The following EXD3 variants were observed in gnomAD, a reference collection of about 807,000 sequenced individuals.
EXD3 encodes exonuclease 3'-5' domain containing 3, also known as exonuclease mut-7 homolog.
In EXD3, 92 loss-of-function variants were observed where a neutral mutation model predicts 98.0. That is an observed-to-expected ratio of 0.94 (90% CI 0.79 to 1.12). The LOEUF is 1.12. Ranked by LOEUF, EXD3 falls within the 50% of genes most tolerant of loss-of-function variation. EXD3 has a pLI of 0.00. For synonymous variants in EXD3, 569 were observed against 526.0 expected, an observed-to-expected ratio of 1.08 and a Z score of -1.12; for missense variants, 1,222 against 1,191.6, an observed-to-expected ratio of 1.03 and a Z score of -0.38.
rs190012881 is a variant in EXD3, at chr9:137,379,875, C to G, written c.120+3438G>C. Among the ~76,000 whole-genome samples the G allele has an allele frequency of 7.9e-3, 1,207 of 152,158 alleles. 26 individuals are homozygous for G. Among genetic ancestry groups the G allele is most frequent in the Admixed American group, 0.038 (574 of 15,290 alleles). ...TGCAAAATCCTGGCCCTCCAGACCCCAGCTGGGTCCTCCCCTCCAGGCCCC... is the reference window on the plus strand; with the variant it reads ...TGCAAAATCCTGGCCCTCCAGACCCGAGCTGGGTCCTCCCCTCCAGGCCCC... On this transcript the variant is annotated intron_variant, in intron 3 of 21. Coordinates refer to ENST00000340951, the MANE Select transcript of EXD3 (RefSeq NM_017820.5).
chr9:137,355,568 G>GAA (rs1564508562), intron 8 of EXD3, among the ~76,000 whole-genome samples: 2 of 37,356 alleles, frequency 5.4e-5, no homozygotes, highest in African/African-American at 2.2e-4. Flanking sequence ...AGGAAGGGAG[G>GAA]ATGGAGGAAG....
intron 19 of EXD3, among the ~76,000 whole-genome samples, chr9:137,314,018 G>T (rs922022492): frequency 1.3e-5 from 2 of 152,120 alleles, no homozygotes; most frequent in African/African-American, 4.8e-5. Context: ...TTGCACATTT[G>T]GTCCCTGGCA....
intron 17 of EXD3, among the ~76,000 whole-genome samples, chr9:137,337,575 C>T (rs28481716): frequency 0.39 from 58,284 of 151,102 alleles, 12,613 homozygotes; most frequent in South Asian, 0.57. Context: ...TGCTTGAACC[C>T]GGGAGGCGGA....
chr9:137,395,515 C>G lies in EXD3; in HGVS notation c.-47-111G>C, dbSNP rs1837171027. On this transcript the variant is annotated intron_variant, in intron 1 of 21. Transcript: ENST00000340951. The surrounding 1 kb of genome is among the most constrained non-coding windows in gnomAD (Gnocchi z 6.5). Reference sequence around the variant, plus strand: ...TGGAGGGAGCTGGTGCCTGGGGGGGCCCAAGTGGGACCCCCAGTCGCTGAG... The same window carrying G: ...TGGAGGGAGCTGGTGCCTGGGGGGGGCCAAGTGGGACCCCCAGTCGCTGAG... 1.0e-6 allele frequency: 1 copy of G among 1,002,820 alleles called. No homozygotes were observed. The allele number at this position is 1,002,820 out of a possible 1,614,324, so 62.1% of individuals were successfully genotyped here. A position where few individuals can be genotyped will look rare whatever the true frequency, so the allele number is the denominator to read the frequency against.
rs1837581162 is a variant in EXD3, at chr9:137,403,667, A to G, written c.-47-8263T>C. Among the ~76,000 whole-genome samples, 1 of 152,084 alleles carries G rather than the reference A, an allele frequency of 6.6e-6. No homozygotes were observed. The highest frequency in any genetic ancestry group is 2.1e-4 in the South Asian group (1 of 4,828). On this transcript the variant is annotated intron_variant, in intron 1 of 21. Coordinates refer to ENST00000340951, the MANE Select transcript of EXD3 (RefSeq NM_017820.5). The surrounding 1 kb of genome is among the most constrained non-coding windows in gnomAD (Gnocchi z 6.1). The stretch of plus-strand genomic sequence containing the variant: ...CCTTAATTGGCCTTGGGGGAGATGG[A>G]CCAGCAGGCCCGAGATCCAGGGTCT...
chr9:137,394,536 G>A (rs948023214), intron 2 of EXD3, among the ~76,000 whole-genome samples: 3 of 145,332 alleles, frequency 2.1e-5, no homozygotes, highest in Non-Finnish European at 4.5e-5. Flanking sequence ...CCCTAACCCC[G>A]GCCTCCCAGC....
intron 1 of EXD3, among the ~76,000 whole-genome samples, chr9:137,411,399 A>G (rs944446739): frequency 6.6e-6 from 1 of 151,884 alleles, no homozygotes; most frequent in South Asian, 2.1e-4. Flanking sequence ...GTTTCCTGGG[A>G]GGCCTGGCCA....
intron 19 of EXD3, among the ~76,000 whole-genome samples, chr9:137,310,636 G>C (rs1323166448): frequency 6.6e-6 from 1 of 152,210 alleles, no homozygotes; most frequent in East Asian, 1.9e-4. Flanking sequence ...TCCTGACTTG[G>C]AGCGGGGTGC....
intron 19 of EXD3, among the ~76,000 whole-genome samples, chr9:137,311,676 T>C (rs1041799683): frequency 6.6e-6 from 1 of 152,144 alleles, no homozygotes; most frequent in African/African-American, 2.4e-5. Context: ...CACAAGGCCC[T>C]GGGAGGCCCT....
chr9:137,324,308 C>T lies in EXD3; in HGVS notation c.1999-165G>A, dbSNP rs1254201139. 6.6e-6 allele frequency among the ~76,000 whole-genome samples: 1 copy of T among 152,196 alleles called. No individual in the cohort carries two copies. The highest frequency in any genetic ancestry group is 1.5e-5 in the Non-Finnish European group (1 of 68,026). Reference sequence around the variant, plus strand: ...GGGGTCTTGGGTGGTGAGGAGCCCTCTGCCGGGTCCTGGGTGTCGCCTCAT... The same window carrying T: ...GGGGTCTTGGGTGGTGAGGAGCCCTTTGCCGGGTCCTGGGTGTCGCCTCAT... On this transcript the variant is annotated intron_variant, in intron 17 of 21. Coordinates refer to ENST00000340951, the MANE Select transcript of EXD3 (RefSeq NM_017820.5). This position sits in a 1 kb window ranked among gnomAD's most constrained non-coding sequence, Gnocchi z 4.1.
chr9:137,330,316 C>G (rs1832966476), intron 17 of EXD3, among the ~76,000 whole-genome samples: 1 of 131,240 alleles, frequency 7.6e-6, no homozygotes, highest in African/African-American at 3.1e-5. Flanking sequence ...AGGAACTACA[C>G]CGGAGCTACA....
intron 1 of EXD3, among the ~76,000 whole-genome samples, chr9:137,399,406 C>G (rs1474396537): frequency 3.9e-5 from 6 of 152,234 alleles, no homozygotes; most frequent in African/African-American, 1.4e-4. Context: ...CTTACACTTC[C>G]TGAGAATTAC....
chr9:137,357,520 G>A (rs1023927223), intron 7 of EXD3, among the ~76,000 whole-genome samples: 1 of 151,754 alleles, frequency 6.6e-6, no homozygotes, highest in Non-Finnish European at 1.5e-5. Flanking sequence ...TTCCCATCCT[G>A]TCCTTCATCC....
intron 17 of EXD3, among the ~76,000 whole-genome samples, chr9:137,332,953 C>A (rs941656905): frequency 8.5e-5 from 13 of 152,258 alleles, no homozygotes; most frequent in African/African-American, 2.9e-4. Flanking sequence ...AGTATTGATC[C>A]TGGATGTGTC....
chr9:137,353,992 C>T lies in EXD3; in HGVS notation c.870+347G>A, dbSNP rs1834464280. On this transcript the variant is annotated intron_variant, in intron 10 of 21. Transcript: ENST00000340951. ...ACCGGGCTGGGGGGGCCTGGCCTTC[C>T]TCCTTCCGGCCTCGCCCAGGCGCCT... 4.5e-6 allele frequency: 5 copies of T among 1,117,342 alleles called. No individual in the cohort carries two copies. The African/African-American group carries it at 8.1e-5, about 18-fold the overall frequency. 69.2% of individuals were successfully genotyped at this position (1,117,342 alleles called of 1,614,324 possible).
intron 7 of EXD3, among the ~76,000 whole-genome samples, chr9:137,358,421 T>C (rs1360427790): frequency 6.6e-6 from 1 of 152,130 alleles, no homozygotes; most frequent in Non-Finnish European, 1.5e-5. Flanking sequence ...GAGACCCTGT[T>C]TCCAGCCCAG....
intron 17 of EXD3, among the ~76,000 whole-genome samples, chr9:137,328,596 ACGGGAC>A (rs1832646142): frequency 1.9e-5 from 1 of 53,222 alleles, no homozygotes; most frequent in Admixed American, 1.7e-4. Flanking sequence ...ACGGGACTAC[ACGGGAC>A]TACACGGGGC....
chr9:137,315,442 G>A (rs1831594973), intron 19 of EXD3, among the ~76,000 whole-genome samples: 2 of 152,186 alleles, frequency 1.3e-5, no homozygotes, highest in African/African-American at 4.8e-5. Flanking sequence ...TGAAGCCTGT[G>A]GCCCCAGCCC....
chr9:137,363,348 T>C lies in EXD3; in HGVS notation c.656+3145A>G, dbSNP rs1466652178. On this transcript the variant is annotated intron_variant, in intron 7 of 21. Coordinates refer to ENST00000340951, the MANE Select transcript of EXD3 (RefSeq NM_017820.5). ...TGGTGCAATTTCCTTTTTTTTTTTT[T>C]TTTTTTTGGGACAGAATCTCCCTCT... Among the ~76,000 whole-genome samples, 18 of 148,830 alleles carry C rather than the reference T, an allele frequency of 1.2e-4. No homozygotes were observed. In the East Asian group the frequency reaches 1.6e-3, roughly 13 times the overall value.
Sources: gnomAD v4.1 joint callset for allele counts (sites outside exome capture counted in the v4.1 genomes callset) on GRCh38, gnomAD v4.1.1 for gene constraint, Gnocchi (gnomAD v3.1) non-coding constraint, MANE v1.5 for transcripts, NCBI Gene and HGNC (gene_info 2026-07-23, HGNC 2026-07-21) for gene names.